Variants in SATB2 observed in about 807,000 individuals in gnomAD.
SATB2 encodes the protein SATB homeobox 2.
In SATB2, 1 loss-of-function variant was observed where a neutral mutation model predicts 73.4. The ratio of observed to expected loss-of-function variants is 0.01; its 90% confidence interval spans 0.00 to 0.06. SATB2 has a LOEUF of 0.06. Ranked by LOEUF, SATB2 falls within the 10% of genes least tolerant of loss-of-function variation. SATB2 has a pLI of 1.00. For synonymous variants in SATB2, 397 were observed against 367.0 expected (o/e 1.08, Z -0.93); for missense variants, 459 against 945.8 (o/e 0.49, Z 6.75).
At position 199,463,875 on chromosome 2, in the gene SATB2, C is replaced by T. The variant is rs1473991665; in HGVS notation, c.-141+961G>A. The stretch of plus-strand genomic sequence containing the variant: ...CGTCCAGAAATCCGCTCCCACCCCT[C>T]GTAGGGGCAGGCAAGCTCAGGCAGC... On this transcript the variant is annotated intron_variant, in intron 1 of 11. Coordinates refer to the SATB2 transcript ENST00000260926. This position sits in a 1 kb window ranked among gnomAD's most constrained non-coding sequence, Gnocchi z 6.4. Among the ~76,000 whole-genome samples the T allele has an allele frequency of 6.6e-6, 1 of 152,222 alleles. No homozygotes were observed. Among genetic ancestry groups the T allele is most frequent in the Non-Finnish European group, 1.5e-5 (1 of 68,040 alleles).
rs994120063 is a variant in SATB2 at position 199,324,015 on chromosome 2, C to T, written c.1387-57G>A. 3 of 1,593,048 alleles carry T rather than the reference C, an allele frequency of 1.9e-6. No homozygotes were observed. In the African/African-American group the frequency reaches 4.0e-5, roughly 21 times the overall value. ...AAAGTGCTGCATTCAGCCCAGCCAT[C>T]TGTGCAGAAATTATCAAAGGATTTC... On this transcript the variant is annotated intron_variant, in intron 8 of 10. Coordinates refer to ENST00000417098, the MANE Select transcript of SATB2 (RefSeq NM_001172509.2).
At chr2:199,401,038 T>C (rs1690457846) in intron 3 of SATB2, among the ~76,000 whole-genome samples, 1 of 152,200 alleles carries the variant, frequency 6.6e-6, no homozygotes, top group South Asian at 2.1e-4. Flanking sequence ...ATACCATATA[T>C]ATCTTTTGAA....
At chr2:199,403,552 T>C (rs1448643435) in intron 3 of SATB2, among the ~76,000 whole-genome samples, 3 of 152,232 alleles carry the variant, frequency 2.0e-5, no homozygotes, top group Admixed American at 6.5e-5. Context: ...GTATTTTTTA[T>C]ATTTCCTACA....
intron 3 of SATB2, among the ~76,000 whole-genome samples, chr2:199,420,651 A>G (rs1201659819): frequency 6.6e-6 from 1 of 152,144 alleles, no homozygotes; most frequent in African/African-American, 2.4e-5. Flanking sequence ...CAAATTCATA[A>G]TCTTGTCATT....
chr2:199,290,235 G>A (rs1692815655), intron 10 of SATB2, among the ~76,000 whole-genome samples: 1 of 152,230 alleles, frequency 6.6e-6, no homozygotes, highest in Non-Finnish European at 1.5e-5. Context: ...CAACTCACCA[G>A]GTTTGGGGCA....
Position 199,328,708 on chromosome 2 carries a change from C to T in SATB2, c.1376G>A (p.Arg459Gln). Residue 459 changes from arginine to glutamine, a missense_variant, in exon 8 of 11, where the codon CGA becomes CAA. By Grantham distance (43) the Arg-to-Gln change is conservative. This residue lies in a region of SATB2 where 53 missense variants were observed against 70.5 expected (regional missense o/e 0.75). Transcript: ENST00000417098. Reference protein sequence around the residue: ...SSASSSPSSSRTPQAKTSTPT... With the variant: ...SSASSSPSSSQTPQAKTSTPT... ...AAGCAAGTTTCTCACCTGAGGGGTTCGGGAGGAGCTGGGACTGCTGGAGGC... is the reference window on the plus strand; with the variant it reads ...AAGCAAGTTTCTCACCTGAGGGGTTTGGGAGGAGCTGGGACTGCTGGAGGC... 1 of 1,612,704 alleles carries T rather than the reference C, an allele frequency of 6.2e-7. No individual in the cohort carries two copies. The highest frequency in any genetic ancestry group is 8.5e-7 in the Non-Finnish European group (1 of 1,179,718).
intron 7 of SATB2, among the ~76,000 whole-genome samples, chr2:199,332,471 T>A (rs1214229891): frequency 6.6e-6 from 1 of 152,150 alleles, no homozygotes; most frequent in Non-Finnish European, 1.5e-5. Context: ...GGCAAAATAT[T>A]CATTAAAAGC....
upstream of SATB2, chr2:199,467,424 G>C (rs190835337): frequency 2.0e-5 from 3 of 152,214 alleles, no homozygotes; most frequent in African/African-American, 7.2e-5. Context: ...CTTAGGTGCC[G>C]GGCTTCAGCC....
intron 2 of SATB2, among the ~76,000 whole-genome samples, chr2:199,441,849 A>T (rs1471931459): frequency 3.3e-5 from 5 of 152,248 alleles, no homozygotes; most frequent in African/African-American, 1.2e-4. Flanking sequence ...GGCAAGATCA[A>T]ATTGGCCAGG....
At chr2:199,394,463 A>G (rs1338945366) in intron 3 of SATB2, among the ~76,000 whole-genome samples, 2 of 152,158 alleles carry the variant, frequency 1.3e-5, no homozygotes, top group Non-Finnish European at 2.9e-5. Flanking sequence ...ACTGTATGAG[A>G]GCTAATACTG....
chr2:199,348,415 G>A, intron 7 of SATB2: 1 of 344,858 alleles, frequency 2.9e-6, no homozygotes, highest in South Asian at 3.7e-5. Context: ...AGTAAATGGA[G>A]AGGATGAGAG....
chr2:199,396,382 T>C (rs1246462580), intron 3 of SATB2: 2 of 152,230 alleles, frequency 1.3e-5, no homozygotes, highest in African/African-American at 2.4e-5. Context: ...AAAAATTCAA[T>C]TGCCCAGAGT....
chr2:199,378,901 A>AGG (rs1295826726), intron 5 of SATB2, among the ~76,000 whole-genome samples: 1 of 152,234 alleles, frequency 6.6e-6, no homozygotes, highest in Non-Finnish European at 1.5e-5. Flanking sequence ...ACATGAATCC[A>AGG]GCCCTGATTC....
intron 9 of SATB2, among the ~76,000 whole-genome samples, chr2:199,321,369 G>A (rs1687883055): frequency 7.0e-6 from 1 of 142,250 alleles, no homozygotes; most frequent in South Asian, 2.1e-4. Flanking sequence ...ATATATGTAT[G>A]TCTATACATA....
chr2:199,296,078 C>T (rs556089391), intron 10 of SATB2, among the ~76,000 whole-genome samples: 55 of 152,236 alleles, frequency 3.6e-4, no homozygotes, highest in Middle Eastern at 3.4e-3. Context: ...GGTTTGGTTA[C>T]GACAGTTTAA....
intron 8 of SATB2, among the ~76,000 whole-genome samples, chr2:199,328,195 A>C (rs570844513): frequency 4.6e-5 from 7 of 152,340 alleles, no homozygotes; most frequent in African/African-American, 1.7e-4. Context: ...GTATGGGATC[A>C]TATATGGTCA....
At chr2:199,295,906 A>G (rs952167376) in intron 10 of SATB2, among the ~76,000 whole-genome samples, 1 of 152,170 alleles carries the variant, frequency 6.6e-6, no homozygotes, top group Non-Finnish European at 1.5e-5. Context: ...TAATAAAATA[A>G]ATGAATTTCA....
chr2:199,431,036 T>G (rs1269349404), intron 3 of SATB2, among the ~76,000 whole-genome samples: 2 of 152,202 alleles, frequency 1.3e-5, no homozygotes, highest in African/African-American at 4.8e-5. Flanking sequence ...TTAAATGGAT[T>G]TGCCAGGAAG....
intron 6 of SATB2, among the ~76,000 whole-genome samples, chr2:199,367,088 A>G (rs1689307919): frequency 6.6e-6 from 1 of 152,168 alleles, no homozygotes. Flanking sequence ...TTGAAGCTGC[A>G]TGATTCTTTT....
Sources: allele counts gnomAD v4.1 joint callset (sites outside exome capture counted in the v4.1 genomes callset), GRCh38; gene constraint gnomAD v4.1.1; regional missense constraint gnomAD v4.1.1; non-coding constraint Gnocchi (gnomAD v3.1); transcripts MANE v1.5; gene names NCBI Gene and HGNC (gene_info 2026-07-23, HGNC 2026-07-21).